OCA2: variants seen among roughly 807,000 people sequenced by gnomAD.
OCA2 encodes P protein.
Under a neutral mutation model 100.2 loss-of-function variants are expected in OCA2, and 77 were observed. That is an observed-to-expected ratio of 0.77 (90% CI 0.64 to 0.93). The LOEUF (loss-of-function observed/expected upper bound fraction) is 0.93. OCA2 is among the 40% of genes least tolerant of loss of function. The probability of loss-of-function intolerance (pLI) is 0.00; values close to 1 mark genes in which losing one functional copy is unlikely to be tolerated. For missense variants in OCA2, 1,062 were observed against 1,089.1 expected (o/e 0.98, Z 0.35); for synonymous variants, 432 against 439.2 (o/e 0.98, Z 0.21).
intron 9 of OCA2, among the ~76,000 whole-genome samples, chr15:27,993,346 C>T (rs1353534431): frequency 6.6e-6 from 1 of 152,148 alleles, no homozygotes; most frequent in African/African-American, 2.4e-5. Flanking sequence ...GAATAATTGT[C>T]CCCGTGTCGG....
At chr15:27,753,598 G>T (rs968411528), downstream of OCA2, among the ~76,000 whole-genome samples, 1 of 151,944 alleles carries the variant, frequency 6.6e-6, no homozygotes, top group African/African-American at 2.4e-5. Context: ...TTAGCCAGGC[G>T]TGGTGGCGGG....
chr15:28,021,748 C>T (rs1280270196), intron 6 of OCA2, among the ~76,000 whole-genome samples: 1 of 152,126 alleles, frequency 6.6e-6, no homozygotes, highest in Non-Finnish European at 1.5e-5. Flanking sequence ...GCTTGGGAAG[C>T]GCATCTAATC....
At chr15:27,960,515 T>C (rs2040371325) in intron 15 of OCA2, among the ~76,000 whole-genome samples, 1 of 152,194 alleles carries the variant, frequency 6.6e-6, no homozygotes, top group South Asian at 2.1e-4. Flanking sequence ...TCTTAATTCT[T>C]ATTGTTCCTT....
chr15:27,730,732 A>AATAT, the OCA2 span, among the ~76,000 whole-genome samples: 308 of 101,840 alleles, frequency 3.0e-3, no homozygotes, highest in African/African-American at 3.4e-3. Flanking sequence ...AAAAAGACCA[A>AATAT]ATATATATAT....
intron 23 of OCA2, among the ~76,000 whole-genome samples, chr15:27,825,592 C>T (rs972663425): frequency 3.3e-5 from 5 of 152,112 alleles, no homozygotes; most frequent in Non-Finnish European, 7.4e-5. Flanking sequence ...GCGGACTTGA[C>T]CGTGAGCAGA....
intron 19 of OCA2, among the ~76,000 whole-genome samples, chr15:27,882,981 CT>C (rs2037081218): frequency 6.6e-6 from 1 of 152,188 alleles, no homozygotes; most frequent in African/African-American, 2.4e-5. Context: ...TCCTCTGGGC[CT>C]TTGCTGGGCT....
intron 21 of OCA2, among the ~76,000 whole-genome samples, chr15:27,865,636 T>A (rs1380435121): frequency 3.3e-5 from 5 of 152,186 alleles, no homozygotes; most frequent in African/African-American, 1.2e-4. Context: ...CCAGTTACTC[T>A]AAGGGTGTTT....
chr15:28,084,477 G>A (rs1470076263), intron 1 of OCA2, among the ~76,000 whole-genome samples: 2 of 152,174 alleles, frequency 1.3e-5, no homozygotes, highest in African/African-American at 2.4e-5. Context: ...AAACTTACCT[G>A]ATAAACGAGT....
intron 3 of OCA2, among the ~76,000 whole-genome samples, chr15:28,028,793 C>T (rs1225044962): frequency 6.6e-6 from 1 of 152,162 alleles, no homozygotes; most frequent in Non-Finnish European, 1.5e-5. Context: ...TCAAGCGATT[C>T]TCCTGCCTCA....
At chr15:27,960,892 C>A (rs1397886101) in intron 15 of OCA2, among the ~76,000 whole-genome samples, 12 of 133,994 alleles carry the variant, frequency 9.0e-5, no homozygotes, top group Admixed American at 2.5e-4. Context: ...CATGACAGAG[C>A]AAGGCTCCAT....
At chr15:27,994,082 G>T (rs1334813962) in intron 9 of OCA2, among the ~76,000 whole-genome samples, 1 of 152,046 alleles carries the variant, frequency 6.6e-6, no homozygotes, top group Non-Finnish European at 1.5e-5. Flanking sequence ...TTAAAGCAGG[G>T]GTCCCCAACC....
chr15:27,920,751 C>A (rs1303327197), intron 19 of OCA2, among the ~76,000 whole-genome samples: 1 of 151,650 alleles, frequency 6.6e-6, no homozygotes, highest in East Asian at 1.9e-4. Flanking sequence ...TGGAATTGAA[C>A]AATACAAGTG....
At chr15:27,852,999 G>C (rs200117537) in intron 21 of OCA2, among the ~76,000 whole-genome samples, 28,823 of 106,406 alleles carry the variant, frequency 0.27, 2,176 homozygotes, top group East Asian at 0.51. Context: ...TTCAACCATT[G>C]TGGAAGTCAG....
intron 14 of OCA2, among the ~76,000 whole-genome samples, chr15:27,971,031 C>A (rs955640258): frequency 6.8e-6 from 1 of 147,352 alleles, no homozygotes; most frequent in African/African-American, 2.5e-5. Context: ...GGTGGGAAAA[C>A]ATAATTATAA....
chr15:27,914,780 A>C (rs1456732003), intron 19 of OCA2, among the ~76,000 whole-genome samples: 1 of 152,222 alleles, frequency 6.6e-6, no homozygotes, highest in Non-Finnish European at 1.5e-5. Flanking sequence ...TAAAATGGCC[A>C]TAATGCCCAA....
chr15:28,052,136 T>C (rs2043538687), intron 2 of OCA2, among the ~76,000 whole-genome samples: 1 of 152,178 alleles, frequency 6.6e-6, no homozygotes. Context: ...TCCTAGGGCA[T>C]GTTTACTGCA....
At chr15:28,074,006 AC>A (rs34525012) in intron 2 of OCA2, among the ~76,000 whole-genome samples, 1 of 60,272 alleles carries the variant, frequency 1.7e-5, no homozygotes, top group Non-Finnish European at 2.4e-5. Context: ...ACAGACAGAC[AC>A]ACACACACAC....
At chr15:27,922,678 GGGGTGTGTGTGTGTGT>G (rs752598930) in intron 19 of OCA2, among the ~76,000 whole-genome samples, 4 of 98,938 alleles carry the variant, frequency 4.0e-5, no homozygotes, top group Non-Finnish European at 6.3e-5. Context: ...TTTTTTGTTT[GGGGTGTGTGTGTGTGT>G]GTGTGTGTGT....
chr15:27,826,899 C>A (rs534233142), intron 23 of OCA2, among the ~76,000 whole-genome samples: 1 of 152,352 alleles, frequency 6.6e-6, no homozygotes, highest in South Asian at 2.1e-4. Context: ...AAGCACAAAA[C>A]CCTCATTTTG....
Sources: allele counts gnomAD v4.1 joint callset (sites outside exome capture counted in the v4.1 genomes callset), GRCh38; gene constraint gnomAD v4.1.1; transcripts MANE v1.5; gene names NCBI Gene and HGNC (gene_info 2026-07-23, HGNC 2026-07-21).